ACSM2A: variants seen among roughly 807,000 people sequenced by gnomAD.
ACSM2A encodes acyl-CoA synthetase medium chain family member 2A.
In ACSM2A, 72 loss-of-function variants were observed where a neutral mutation model predicts 76.6. The observed-to-expected ratio is 0.94, with a 90% CI of 0.78 to 1.14. The LOEUF (loss-of-function observed/expected upper bound fraction) is 1.14, where lower values mean the gene tolerates loss of function less well. ACSM2A is among the 50% of genes most tolerant of loss of function. The pLI is 0.00. For synonymous variants in ACSM2A, 249 were observed against 255.9 expected, an observed-to-expected ratio of 0.97 and a Z score of 0.26; for missense variants, 684 against 708.5, an observed-to-expected ratio of 0.97 and a Z score of 0.39.
At chr16:20,469,986 T>A (rs1299147499) in intron 4 of ACSM2A, among the ~76,000 whole-genome samples, 1 of 150,848 alleles carries the variant, frequency 6.6e-6, no homozygotes, top group African/African-American at 2.4e-5. Flanking sequence ...CTCTAAAGGA[T>A]TGAAAAGCAC....
At chr16:20,475,575 C>G in intron 7 of ACSM2A, 75 bp from the exon 8 acceptor site, 6 of 1,607,626 alleles carry the variant, frequency 3.7e-6, no homozygotes, top group Non-Finnish European at 5.1e-6. Context: ...TCAAAGCACC[C>G]AGAAACCCAG....
At chr16:20,476,537 G>C in intron 8 of ACSM2A, 1 of 985,370 alleles carries the variant, frequency 1.0e-6, no homozygotes, top group Non-Finnish European at 1.2e-6. Flanking sequence ...AAGGACAATG[G>C]AGTTGTGGCA....
chr16:20,465,137 G>A lies in ACSM2A; in HGVS notation c.178-380G>A, dbSNP rs577652231. On this transcript the variant is annotated intron_variant, in intron 2 of 13. Transcript: ENST00000573854. ...GGATCCAATGTTTTTCTACTAAGAC[G>A]TTAAAGGGAATTGCAGAATAAATAG... 4.0e-3 allele frequency among the ~76,000 whole-genome samples: 612 copies of A among 152,162 alleles called. 6 individuals carry two copies. Among genetic ancestry groups the A allele is most frequent in the African/African-American group, 0.011 (447 of 41,532 alleles).
At chr16:20,462,604 C>T (rs1816603871) in intron 2 of ACSM2A, among the ~76,000 whole-genome samples, 1 of 152,172 alleles carries the variant, frequency 6.6e-6, no homozygotes, top group Admixed American at 6.5e-5. Context: ...TTTGATTTTG[C>T]ATCATTACTC....
rs746087264 is a variant in ACSM2A, at chr16:20,483,107, C to T, written c.1559C>T (p.Pro520Leu). The stretch of plus-strand genomic sequence containing the variant: ...GCCTCGCAGTTCCTGTCCCATGACC[C>T]AGAACAGCTCACCAAGGAGCTGCAG... ...VLASQFLSHD[P>L]EQLTKELQQH... The change falls in exon 13 of 14, where the codon CCA becomes CTA. Residue 520 changes from proline (P) to leucine (L), a missense_variant. This residue lies in a region of ACSM2A where 159 missense variants were observed against 132.5 expected (regional missense o/e 1.20). Coordinates refer to ENST00000573854, the MANE Select transcript of ACSM2A (RefSeq NM_001308172.2). 2 of 1,614,050 alleles carry T rather than the reference C, an allele frequency of 1.2e-6. No individual in the cohort carries two copies. The highest frequency in any genetic ancestry group is 2.2e-5 in the South Asian group (2 of 91,068).
At chr16:20,480,052 C>G (rs4566151) in intron 10 of ACSM2A, among the ~76,000 whole-genome samples, 21 of 152,314 alleles carry the variant, frequency 1.4e-4, no homozygotes, top group African/African-American at 1.4e-4. Context: ...AAGGGATAAA[C>G]CTCAAGCCTT....
At chr16:20,480,114 T>C (rs1313846424) in intron 10 of ACSM2A, among the ~76,000 whole-genome samples, 2 of 152,202 alleles carry the variant, frequency 1.3e-5, no homozygotes, top group Non-Finnish European at 2.9e-5. Flanking sequence ...CCAGCTATTG[T>C]AGAAATATGC....
At position 20,469,606 on chromosome 16, in the gene ACSM2A, T is replaced by C; in HGVS notation, c.483T>C (p.Asp161=). 6.2e-7 allele frequency: 1 copy of C among 1,613,820 alleles called. No individual in the cohort carries two copies. Among genetic ancestry groups the C allele is most frequent in the Non-Finnish European group, 8.5e-7 (1 of 1,179,856 alleles). ...AGGCCAAGGCTATTGTTGCTGGGGA[T>C]GAAGTCATCCAAGAAGTGGACACAG... is the stretch of plus-strand genomic sequence containing the variant. ...MSKAKAIVAG[D]EVIQEVDTVA... The change falls in exon 4 of 14, where the codon GAT becomes GAC. Residue 161 remains aspartate (D), a synonymous_variant. Transcript: ENST00000573854.
At position 20,480,909 on chromosome 16, in the gene ACSM2A, C is replaced by A; in HGVS notation, c.1497C>A (p.Pro499=). The A allele has an allele frequency of 6.2e-7, 1 of 1,613,566 alleles. No individual in the cohort carries two copies. Among genetic ancestry groups the A allele is most frequent in the Non-Finnish European group, 8.5e-7 (1 of 1,179,852 alleles). Reference sequence around the variant, plus strand: ...CGGCTGTGATCAGCAGCCCAGACCCCGTCCGAGGAGAGGTGATGGGGAAGC... The same window carrying A: ...CGGCTGTGATCAGCAGCCCAGACCCAGTCCGAGGAGAGGTGATGGGGAAGC... ...VETAVISSPD[P]VRGEVVKAFV... is the part of the protein sequence containing the mutation. Residue 499 remains proline (P), a synonymous_variant, in exon 12 of 14, where the codon CCC becomes CCA. Transcript: ENST00000573854.
intron 11 of ACSM2A, 49 bp downstream of exon 11, chr16:20,480,749 G>C (rs375891129): frequency 7.9e-5 from 127 of 1,611,382 alleles, no homozygotes; most frequent in Non-Finnish European, 1.0e-4. Context: ...CTTTACTCTG[G>C]CTGGTTCCAG....
Position 20,478,628 on chromosome 16 carries a change from G to T in ACSM2A, c.1232G>T (p.Gly411Val), listed in dbSNP as rs1025889085. 1 of 1,613,728 alleles carries T rather than the reference G, an allele frequency of 6.2e-7. No individual in the cohort carries two copies. Among genetic ancestry groups the T allele is most frequent in the African/African-American group, 1.3e-5 (1 of 74,906 alleles). ...VLPPGTEGDI[G>V]IRVKPIRPIG... ...CCCCCCGGCACAGAAGGAGACATTG[G>T]CATCAGGGTCAAACCCATCAGGCCT... is the stretch of plus-strand genomic sequence containing the variant. Residue 411 changes from glycine (G) to valine (V), a missense_variant, in exon 10 of 14, where the codon GGC becomes GTC. By Grantham distance (109) the Gly-to-Val change is moderately radical (BLOSUM62 -3). This residue lies in a region of ACSM2A where 519 missense variants were observed against 549.5 expected (regional missense o/e 0.94). Coordinates refer to ENST00000573854, the MANE Select transcript of ACSM2A (RefSeq NM_001308172.2).
Position 20,460,127 on chromosome 16 carries a change from C to A in ACSM2A, c.13C>A (p.Arg5=), listed in dbSNP as rs368922104. Residue 5 remains arginine, a synonymous_variant, in exon 2 of 14, where the codon CGA becomes AGA. Coordinates refer to ENST00000573854, the MANE Select transcript of ACSM2A (RefSeq NM_001308172.2). MHWL[R]KVQGLCTLWG... is the part of the protein sequence containing the mutation. Reference sequence around the variant, plus strand: ...TACAGGCCTGAATATGCATTGGCTGCGAAAAGTTCAGGGACTTTGCACCCT... The same window carrying A: ...TACAGGCCTGAATATGCATTGGCTGAGAAAAGTTCAGGGACTTTGCACCCT... The A allele has an allele frequency of 1.3e-5, 21 of 1,610,792 alleles. No individual in the cohort carries two copies. The highest frequency in any genetic ancestry group is 8.8e-5 in the South Asian group (8 of 90,754).
chr16:20,486,470 T>C (rs903747442), intron 13 of ACSM2A, 104 bp from the exon 14 acceptor site: 1 of 1,281,528 alleles, frequency 7.8e-7, no homozygotes, highest in South Asian at 1.3e-5. Flanking sequence ...TGCCCTGAAG[T>C]GGCTCCAGCC....
intron 4 of ACSM2A, among the ~76,000 whole-genome samples, chr16:20,470,228 A>C (rs2013299283): frequency 6.6e-6 from 1 of 152,138 alleles, no homozygotes; most frequent in Non-Finnish European, 1.5e-5. Context: ...TGGAACTATG[A>C]CTCAAATCAG....
intron 1 of ACSM2A, among the ~76,000 whole-genome samples, chr16:20,454,695 C>A (rs1317316051): frequency 6.6e-6 from 1 of 151,864 alleles, no homozygotes; most frequent in Non-Finnish European, 1.5e-5. Flanking sequence ...CTAACATAGC[C>A]TACCCAAATG....
At chr16:20,473,145 C>T (rs961448318) in intron 6 of ACSM2A, among the ~76,000 whole-genome samples, 1 of 152,122 alleles carries the variant, frequency 6.6e-6, no homozygotes, top group Non-Finnish European at 1.5e-5. Context: ...CCCATCCAGA[C>T]ATCTATTTGG....
intron 1 of ACSM2A, among the ~76,000 whole-genome samples, chr16:20,458,881 C>T (rs1471702055): frequency 1.7e-5 from 2 of 120,600 alleles, no homozygotes; most frequent in African/African-American, 3.0e-5. Flanking sequence ...ATAATACATA[C>T]ATAGTATATA....
intron 13 of ACSM2A, among the ~76,000 whole-genome samples, chr16:20,485,741 C>T (rs1251498337): frequency 1.3e-5 from 2 of 152,184 alleles, no homozygotes; most frequent in Admixed American, 6.5e-5. Context: ...ATTCTTATAT[C>T]AGCCACTAAG....
chr16:20,461,912 T>C (rs1596646382), intron 2 of ACSM2A, among the ~76,000 whole-genome samples: 2 of 152,152 alleles, frequency 1.3e-5, no homozygotes, highest in African/African-American at 4.8e-5. Context: ...CAAAGATAAT[T>C]TGGAGGGCAG....
Sources: allele counts gnomAD v4.1 joint callset (sites outside exome capture counted in the v4.1 genomes callset), GRCh38; gene constraint gnomAD v4.1.1; regional missense constraint gnomAD v4.1.1; transcripts MANE v1.5; gene names NCBI Gene and HGNC (gene_info 2026-07-23, HGNC 2026-07-21).